Variants in LTBP2 observed in about 807,000 individuals in gnomAD.
LTBP2 encodes latent transforming growth factor beta binding protein 2.
A neutral mutation model predicts 210.6 loss-of-function variants in LTBP2; 103 were observed. The ratio of observed to expected loss-of-function variants is 0.49; its 90% CI spans 0.42 to 0.58. The LOEUF (loss-of-function observed/expected upper bound fraction) is 0.58. Ranked by LOEUF, LTBP2 falls within the 20% of genes least tolerant of loss-of-function variation. The pLI is 0.00. For synonymous variants in LTBP2, 1,007 were observed against 1,015.0 expected, an observed-to-expected ratio of 0.99 and a Z score of 0.15; for missense variants, 2,313 against 2,494.5, an observed-to-expected ratio of 0.93 and a Z score of 1.55.
At chr14:74,566,053 C>G (rs528476981) in intron 3 of LTBP2, among the ~76,000 whole-genome samples, 1 of 151,472 alleles carries the variant, frequency 6.6e-6, no homozygotes, top group African/African-American at 2.4e-5. Context: ...CGGACACGTG[C>G]GTGTGCCTAT....
In LTBP2 at chr14:74,564,255, ATATATATT is replaced by A. The variant is rs1257989090; in HGVS notation, c.831-8570_831-8563del. The stretch of plus-strand genomic sequence containing the variant: ...TATTTATATATATTTATATATATTT[ATATATATT>A]TATATATATTTATATATATATTTAT... On this transcript the variant is annotated intron_variant, in intron 3 of 35. Coordinates refer to ENST00000261978, the MANE Select transcript of LTBP2 (RefSeq NM_000428.3). 8.6e-3 allele frequency among the ~76,000 whole-genome samples: 231 copies of A among 26,894 alleles called. 3 individuals are homozygous for A. Among genetic ancestry groups the A allele is most frequent in the East Asian group, 0.03 (16 of 538 alleles). The allele number at this position is 26,894 out of a possible 152,430, so 17.6% of individuals were successfully genotyped here. A position where few individuals can be genotyped will look rare whatever the true frequency, so the allele number is the denominator to read the frequency against.
At chr14:74,601,009 C>A (rs1391245260) in intron 2 of LTBP2, among the ~76,000 whole-genome samples, 1 of 152,128 alleles carries the variant, frequency 6.6e-6, no homozygotes, top group East Asian at 1.9e-4. Context: ...TATGACTGAC[C>A]CCCAACTCTG....
At position 74,611,995 on chromosome 14, in the gene LTBP2, T is replaced by C. The variant is rs1408815664; in HGVS notation, c.-51A>G. ...CGCGCGGGCACCGCGAAGAGCTTTG[T>C]GGTCGGCACGCTGGACGCCCGCGGG... On this transcript the variant is annotated 5_prime_UTR_variant, in exon 1 of 36. Coordinates refer to ENST00000261978, the MANE Select transcript of LTBP2 (RefSeq NM_000428.3). The C allele has an allele frequency of 1.4e-6, 2 of 1,474,864 alleles. No homozygotes were observed. The highest frequency in any genetic ancestry group is 2.3e-5 in the Admixed American group (1 of 42,728). The allele number at this position is 1,474,864 out of a possible 1,614,324, so 91.4% of individuals were successfully genotyped here. A position where few individuals can be genotyped will look rare whatever the true frequency, so the allele number is the denominator to read the frequency against.
Position 74,549,872 on chromosome 14 carries a change from G to A in LTBP2, c.1780C>T (p.Pro594Ser). The A allele has an allele frequency of 6.2e-7, 1 of 1,613,842 alleles. No individual in the cohort carries two copies. Among genetic ancestry groups the A allele is most frequent in the Non-Finnish European group, 8.5e-7 (1 of 1,179,746 alleles). The stretch of plus-strand genomic sequence containing the variant: ...GGACTCCAGCACTCACCTGGTCTGG[G>A]TGGGCATGGGGCACACAAAGTCACC... ...WGVTLCAPCP[P>S]RPASPVIENG... Residue 594 changes from proline (P) to serine (S), a missense_variant, in exon 8 of 36, where the codon CCC (proline) becomes TCC (serine). Pro to Ser is a moderately conservative substitution (Grantham distance 74). Coordinates refer to ENST00000261978, the MANE Select transcript of LTBP2 (RefSeq NM_000428.3).
chr14:74,585,906 C>A lies in LTBP2; in HGVS notation c.778G>T (p.Ala260Ser). Residue 260 changes from alanine (A) to serine (S), a missense_variant, in exon 3 of 36, where the codon GCA (alanine) becomes TCA (serine). By Grantham distance (99) the Ala-to-Ser change is moderately conservative (BLOSUM62 1). Coordinates refer to ENST00000261978, the MANE Select transcript of LTBP2 (RefSeq NM_000428.3). ...GGCGACTGTGGTGCTGGCGGCTGTG[C>A]TCTGGCCAAGGTGCCCTCTCCAGCC... ...SAAGEGTLAR[A>S]QPPAPQSPPA... is the part of the protein sequence containing the mutation. 6.2e-7 allele frequency: 1 copy of A among 1,613,138 alleles called. No homozygotes were observed. Among genetic ancestry groups the A allele is most frequent in the Non-Finnish European group, 8.5e-7 (1 of 1,179,924 alleles).
At chr14:74,547,398 C>T (rs756205901) in intron 8 of LTBP2, among the ~76,000 whole-genome samples, 7 of 152,070 alleles carry the variant, frequency 4.6e-5, no homozygotes, top group South Asian at 2.1e-4. Context: ...AGGAAGGTTC[C>T]GAGAGGGGCA....
At chr14:74,501,719 C>A (rs1315761586) in intron 34 of LTBP2, 129 bp from the exon 35 acceptor site, 9 of 1,148,254 alleles carry the variant, frequency 7.8e-6, no homozygotes, top group African/African-American at 1.5e-5. Context: ...CAGAGAGGAT[C>A]ATAAAATTCT....
chr14:74,511,875 TCTG>T (rs1047949318), intron 18 of LTBP2, among the ~76,000 whole-genome samples: 10 of 152,284 alleles, frequency 6.6e-5, no homozygotes, highest in African/African-American at 1.4e-4. Flanking sequence ...CAAGACCAGC[TCTG>T]AGGCAGAGTG....
chr14:74,571,082 A>G (rs936912060), intron 3 of LTBP2, among the ~76,000 whole-genome samples: 1 of 151,330 alleles, frequency 6.6e-6, no homozygotes, highest in Admixed American at 6.6e-5. Flanking sequence ...CTGTAATCCC[A>G]GCCCTTTGGA....
intron 4 of LTBP2, among the ~76,000 whole-genome samples, chr14:74,553,435 G>C (rs1171119192): frequency 6.6e-6 from 1 of 152,214 alleles, no homozygotes; most frequent in African/African-American, 2.4e-5. Context: ...GGGTGCTCAA[G>C]TGACGCAGCT....
chr14:74,612,101 G>C lies in LTBP2; in HGVS notation c.-157C>G. ...GCGGCCGACTGGGGGCCCGGCTCTC[G>C]GCGGAACGAGGGCTGCGCGCCCCGA... On this transcript the variant is annotated 5_prime_UTR_variant, in exon 1 of 36. Transcript: ENST00000261978. The C allele has an allele frequency of 2.7e-6, 2 of 736,016 alleles. No homozygotes were observed. The highest frequency in any genetic ancestry group is 4.1e-6 in the Non-Finnish European group (2 of 493,028). 45.6% of individuals were successfully genotyped at this position (736,016 alleles called of 1,614,324 possible).
rs2086892678 is a variant in LTBP2, at chr14:74,500,053, G to A, written c.*831C>T. ...TGTTTATGTAATAGAGGTCTTTGTA[G>A]ATGGGTGCTGTATCCCATGGCAGCC... On this transcript the variant is annotated 3_prime_UTR_variant, in exon 36 of 36. Coordinates refer to ENST00000261978, the MANE Select transcript of LTBP2 (RefSeq NM_000428.3). 1.3e-5 allele frequency: 3 copies of A among 232,508 alleles called. No homozygotes were observed. The East Asian group carries it at 1.8e-4, about 14-fold the overall frequency. The allele number at this position is 232,508 out of a possible 1,614,324, so 14.4% of individuals were successfully genotyped here.
chr14:74,503,367 G>A lies in LTBP2; in HGVS notation c.4740C>T (p.Asp1580=). Residue 1580 remains aspartate, a synonymous_variant, in exon 33 of 36, where the codon GAC becomes GAT. Coordinates refer to ENST00000261978, the MANE Select transcript of LTBP2 (RefSeq NM_000428.3). ...TTTTCCAGCAGATGTCCATGTGGATGTCGTGGTCAGGGAGGTCCTCTGGTG... is the reference window on the plus strand; with the variant it reads ...TTTTCCAGCAGATGTCCATGTGGATATCGTGGTCAGGGAGGTCCTCTGGTG... ...TSSTEDLPDH[D]IHMDICWKKV... is the part of the protein sequence containing the mutation. The A allele has an allele frequency of 6.2e-7, 1 of 1,613,236 alleles. No individual in the cohort carries two copies. Among genetic ancestry groups the A allele is most frequent in the South Asian group, 1.1e-5 (1 of 91,030 alleles).
intron 3 of LTBP2, among the ~76,000 whole-genome samples, chr14:74,573,273 G>A (rs995588023): frequency 4.6e-5 from 7 of 152,214 alleles, no homozygotes; most frequent in Admixed American, 1.3e-4. Context: ...TCATTGCAAA[G>A]TGGGAGTCAT....
chr14:74,554,863 A>G, intron 4 of LTBP2, among the ~76,000 whole-genome samples: 1 of 152,100 alleles, frequency 6.6e-6, no homozygotes, highest in East Asian at 1.9e-4. Context: ...AGGTGAGCTC[A>G]GGCACAGATG....
chr14:74,550,818 G>T (rs1008972280), intron 7 of LTBP2, among the ~76,000 whole-genome samples: 1 of 152,218 alleles, frequency 6.6e-6, no homozygotes, highest in Non-Finnish European at 1.5e-5. Flanking sequence ...CTCCAGAGGG[G>T]AACTTCCTTG....
chr14:74,506,895 GCTCA>G (rs1214093181), intron 26 of LTBP2, 72 bp from the exon 27 acceptor site: 24 of 1,597,336 alleles, frequency 1.5e-5, no homozygotes, highest in African/African-American at 5.4e-5. Context: ...GCGCGTGTGT[GCTCA>G]CTCTCTCACA....
intron 8 of LTBP2, among the ~76,000 whole-genome samples, chr14:74,545,821 C>G (rs1369063347): frequency 1.3e-5 from 2 of 152,204 alleles, no homozygotes; most frequent in Non-Finnish European, 2.9e-5. Context: ...CTGGCTCAGG[C>G]TAAGTCCTGG....
chr14:74,552,867 C>T lies in LTBP2; in HGVS notation c.1192+25G>A, dbSNP rs753953084. ...TCTACCCTCCAGGGCCAGCTGGGAA[C>T]CATCTGAGCAGGAAAGGGACTCACA... On this transcript the variant is annotated intron_variant, in intron 5 of 35. Transcript: ENST00000261978. 67 of 1,606,024 alleles carry T rather than the reference C, an allele frequency of 4.2e-5. 1 individual carries two copies. The East Asian group carries it at 1.5e-3, about 36-fold the overall frequency.
Sources: allele counts gnomAD v4.1 joint callset (sites outside exome capture counted in the v4.1 genomes callset), GRCh38; gene constraint gnomAD v4.1.1; transcripts MANE v1.5; gene names NCBI Gene and HGNC (gene_info 2026-07-23, HGNC 2026-07-21).